ELFN1: variants seen among roughly 807,000 people sequenced by gnomAD.
The protein encoded by ELFN1 is protein ELFN1.
Under a neutral mutation model 7.6 loss-of-function variants are expected in ELFN1, and 6 were observed. The ratio of observed to expected loss-of-function variants is 0.79; its 90% CI spans 0.43 to 1.56. The LOEUF (loss-of-function observed/expected upper bound fraction) is 1.56, where lower values mean the gene tolerates loss of function less well. Ranked by LOEUF, ELFN1 falls within the 40% of genes most tolerant of loss-of-function variation. The pLI is 0.01. For missense variants in ELFN1, 1,169 were observed against 1,232.2 expected, an observed-to-expected ratio of 0.95 and a Z score of 0.77; for synonymous variants, 657 against 588.1, an observed-to-expected ratio of 1.12 and a Z score of -1.70.
intron 3 of ELFN1, among the ~76,000 whole-genome samples, chr7:1,729,926 C>G (rs1357848536): frequency 6.6e-6 from 1 of 152,254 alleles, no homozygotes; most frequent in Non-Finnish European, 1.5e-5. Flanking sequence ...GGCACGTAGA[C>G]CAGCAGGCCC....
intron 2 of ELFN1, among the ~76,000 whole-genome samples, chr7:1,704,953 G>A (rs1583339245): frequency 1.3e-5 from 2 of 152,182 alleles, no homozygotes; most frequent in African/African-American, 2.4e-5. Flanking sequence ...ATGTGGAGAC[G>A]GGGACAGTGA....
In ELFN1 at chr7:1,695,762, A is replaced by AC. The variant is rs1554248736; in HGVS notation, c.-456+7612_-456+7613insC. 1.1e-4 allele frequency among the ~76,000 whole-genome samples: 17 copies of AC among 150,972 alleles called. No homozygotes were observed. Among genetic ancestry groups the AC allele is most frequent in the African/African-American group, 3.2e-4 (13 of 40,752 alleles). On this transcript the variant is annotated intron_variant, in intron 2 of 3. Coordinates refer to ENST00000424383, the MANE Select transcript of ELFN1 (RefSeq NM_001128636.4). The surrounding 1 kb of genome is among the most constrained non-coding windows in gnomAD (Gnocchi z 5.1). ...GACTCCGTGTCAAAAAAAAAAAAAA[A>AC]AAAAAAAAAACCGTGCTGGTTTGGT... is the stretch of plus-strand genomic sequence containing the variant.
At chr7:1,687,936 G>A (rs1779088255) in intron 1 of ELFN1, among the ~76,000 whole-genome samples, 122 bp from the exon 2 acceptor site, 1 of 151,002 alleles carries the variant, frequency 6.6e-6, no homozygotes, top group Non-Finnish European at 1.5e-5. Context: ...TTACTATGTT[G>A]CCCAGACTGG....
chr7:1,697,114 G>C (rs1002765542), intron 2 of ELFN1, among the ~76,000 whole-genome samples: 4 of 152,198 alleles, frequency 2.6e-5, no homozygotes, highest in Admixed American at 6.5e-5. Context: ...CGCGGCAGGG[G>C]TGAGATAGCC....
At chr7:1,703,930 C>T (rs1049921152) in intron 2 of ELFN1, among the ~76,000 whole-genome samples, 2 of 152,160 alleles carry the variant, frequency 1.3e-5, no homozygotes, top group Non-Finnish European at 1.5e-5. Flanking sequence ...GGGGGTTTGT[C>T]CTGCAAAAAG....
rs776267027 is a variant in ELFN1, at chr7:1,746,949, C to A, written c.2353C>A (p.Arg785=). Reference sequence around the variant, plus strand: ...CTGGGAGCGCTTCAGACTGAGCCGCCGGCGGCACAAGGAGGAAGAGGAGTT... The same window carrying A: ...CTGGGAGCGCTTCAGACTGAGCCGCAGGCGGCACAAGGAGGAAGAGGAGTT... ...SIWERFRLSR[R]RHKEEEEFMA... is the part of the protein sequence containing the mutation. The change falls in exon 4 of 4, where the codon CGG becomes AGG. Residue 785 remains arginine, a synonymous_variant. Transcript: ENST00000424383. The A allele has an allele frequency of 6.4e-7, 1 of 1,550,844 alleles. No individual in the cohort carries two copies. Among genetic ancestry groups the A allele is most frequent in the East Asian group, 2.4e-5 (1 of 40,932 alleles).
intron 3 of ELFN1, among the ~76,000 whole-genome samples, chr7:1,725,863 GTACACACTCGCACAAAAATCACACACAAA>G (rs1168890526): frequency 1.9e-4 from 29 of 151,844 alleles, no homozygotes; most frequent in African/African-American, 6.5e-4. Flanking sequence ...ATAACACACA[GTACACACTCGCACAAAAATCACACACAAA>G]TACACACTCA....
intron 2 of ELFN1, chr7:1,693,425 T>C (rs1779219295): frequency 2.1e-6 from 1 of 471,196 alleles, no homozygotes; most frequent in Non-Finnish European, 4.4e-6. Context: ...CACATATGTG[T>C]ACACATAGGT....
intron 3 of ELFN1, among the ~76,000 whole-genome samples, chr7:1,714,069 C>T (rs897286254): frequency 4.6e-5 from 7 of 152,210 alleles, no homozygotes; most frequent in South Asian, 4.1e-4. Context: ...CTCACACGGG[C>T]GGGCTGGAAG....
intron 2 of ELFN1, among the ~76,000 whole-genome samples, chr7:1,688,584 T>C (rs1325192621): frequency 3.9e-5 from 6 of 152,210 alleles, no homozygotes; most frequent in Non-Finnish European, 8.8e-5. Context: ...TATTGAAAAA[T>C]ACCATCCATT....
chr7:1,684,904 A>T (rs1036450157), intron 1 of ELFN1, among the ~76,000 whole-genome samples: 2 of 152,330 alleles, frequency 1.3e-5, no homozygotes, highest in African/African-American at 4.8e-5. Flanking sequence ...TAATACATTT[A>T]TAGAGCTTTT....
At chr7:1,728,680 C>G (rs547559846) in intron 3 of ELFN1, among the ~76,000 whole-genome samples, 79 of 152,348 alleles carry the variant, frequency 5.2e-4, no homozygotes, top group Non-Finnish European at 8.7e-4. Context: ...CACGTTCCCC[C>G]CTCCAGGAAC....
chr7:1,694,272 C>T (rs986469313), intron 2 of ELFN1: 3 of 169,082 alleles, frequency 1.8e-5, no homozygotes, highest in Admixed American at 1.6e-4. Context: ...TAAACCCACA[C>T]TGGCCTCCCT....
chr7:1,700,505 G>A lies in ELFN1; in HGVS notation c.-455-8586G>A, dbSNP rs74843375. ...CTTCTGGTCAACACTCTCCGGGGGA[G>A]ACATACCCATTCATTGTGCTTGGTG... is the stretch of plus-strand genomic sequence containing the variant. On this transcript the variant is annotated intron_variant, in intron 2 of 3. Transcript: ENST00000424383. 2.6e-5 allele frequency among the ~76,000 whole-genome samples: 4 copies of A among 152,352 alleles called. No homozygotes were observed. In the East Asian group the frequency reaches 7.7e-4, roughly 29 times the overall value.
chr7:1,691,498 T>C (rs1040159351), intron 2 of ELFN1, among the ~76,000 whole-genome samples: 2 of 152,224 alleles, frequency 1.3e-5, no homozygotes, highest in African/African-American at 2.4e-5. Flanking sequence ...AGGGGACTTA[T>C]GGCCCTCCCT....
chr7:1,728,010 G>T (rs1001586057), intron 3 of ELFN1, among the ~76,000 whole-genome samples: 6 of 152,132 alleles, frequency 3.9e-5, no homozygotes. Context: ...AGGCCGAGAG[G>T]TCCAAGCACC....
rs1780755301 is a variant in ELFN1 at position 1,745,545 on chromosome 7, C to G, written c.949C>G (p.Pro317Ala). The change falls in exon 4 of 4, where the codon CCC (proline) becomes GCC (alanine). Residue 317 changes from proline to alanine, a missense_variant. Physicochemically the swap from Pro to Ala is conservative, Grantham distance 27. Transcript: ENST00000424383. The part of the protein sequence containing the change: ...PTLATQAEAR[P>A]LIKVKQLTQN... ...GCTGGCCACGCAGGCCGAGGCCCGC[C>G]CCCTCATCAAGGTCAAGCAGCTCAC... is the stretch of plus-strand genomic sequence containing the variant. The G allele has an allele frequency of 1.3e-6, 2 of 1,549,048 alleles. No individual in the cohort carries two copies. Among genetic ancestry groups the G allele is most frequent in the African/African-American group, 2.7e-5 (2 of 73,052 alleles).
chr7:1,684,118 C>T (rs1779020398), intron 1 of ELFN1, among the ~76,000 whole-genome samples: 1 of 152,112 alleles, frequency 6.6e-6, no homozygotes, highest in Admixed American at 6.5e-5. Context: ...CCACTGTACT[C>T]CAGCCTGGGT....
At chr7:1,737,377 C>T (rs939990283) in intron 3 of ELFN1, among the ~76,000 whole-genome samples, 4 of 152,034 alleles carry the variant, frequency 2.6e-5, no homozygotes, top group East Asian at 1.9e-4. Context: ...CCTCCTGCTC[C>T]GGGTCTCGGG....
Sources: gnomAD v4.1 joint callset for allele counts (sites outside exome capture counted in the v4.1 genomes callset) on GRCh38, gnomAD v4.1.1 for gene constraint, Gnocchi (gnomAD v3.1) non-coding constraint, MANE v1.5 for transcripts, NCBI Gene and HGNC (gene_info 2026-07-23, HGNC 2026-07-21) for gene names.